The following BMPR1B variants were observed in gnomAD, a reference collection of about 807,000 sequenced individuals.
The protein encoded by BMPR1B is bone morphogenetic protein receptor type 1B.
BMPR1B carries 12 observed loss-of-function variants against 59.1 expected under a neutral mutation model. The observed-to-expected ratio is 0.20, with a 90% CI of 0.13 to 0.33. The LOEUF (loss-of-function observed/expected upper bound fraction) is 0.33, where lower values mean the gene tolerates loss of function less well. Ranked by LOEUF, BMPR1B falls within the 10% of genes least tolerant of loss-of-function variation. The pLI, the probability that BMPR1B is intolerant of heterozygous loss-of-function variation, is 1.00. For missense variants in BMPR1B, 550 were observed against 610.9 expected (o/e 0.90, Z 1.05); for synonymous variants, 237 against 207.3 (o/e 1.14, Z -1.23).
intron 2 of BMPR1B, among the ~76,000 whole-genome samples, chr4:94,942,443 T>C (rs1226612059): frequency 6.6e-6 from 1 of 152,200 alleles, no homozygotes; most frequent in African/African-American, 2.4e-5. Flanking sequence ...AAACAAACTT[T>C]AGAACCTCTG....
intron 3 of BMPR1B, among the ~76,000 whole-genome samples, chr4:95,084,549 T>C (rs2149240287): frequency 6.6e-6 from 1 of 152,258 alleles, no homozygotes; most frequent in East Asian, 1.9e-4. Flanking sequence ...TGTTGTAGTG[T>C]TTTGGAATAT....
chr4:94,829,254 A>G (rs770267869), intron 1 of BMPR1B, among the ~76,000 whole-genome samples: 3 of 150,730 alleles, frequency 2.0e-5, no homozygotes, highest in East Asian at 1.9e-4. Flanking sequence ...TTCTCTCTCA[A>G]TTTATTCCAA....
At position 95,115,692 on chromosome 4, in the gene BMPR1B, C is replaced by G. The variant is rs767805662; in HGVS notation, c.254C>G (p.Pro85Arg). The G allele has an allele frequency of 1.9e-6, 3 of 1,613,042 alleles. No individual in the cohort carries two copies. The highest frequency in any genetic ancestry group is 2.5e-6 in the Non-Finnish European group (3 of 1,179,404). The change falls in exon 6 of 13, where the codon CCC becomes CGC. Residue 85 changes from proline to arginine, a missense_variant. By Grantham distance (103) the Pro-to-Arg change is moderately radical. Transcript: ENST00000515059. ...EGSDFQCRDTPIPHQRRSIEC... is the reference protein window; with the variant it reads ...EGSDFQCRDTRIPHQRRSIEC... ...GTTTGGGTTCGATTATAGGACACTC[C>G]CATTCCTCATCAAAGAAGATCAATT... is the stretch of plus-strand genomic sequence containing the variant.
At chr4:94,911,823 A>G (rs549545492) in intron 2 of BMPR1B, among the ~76,000 whole-genome samples, 1 of 152,248 alleles carries the variant, frequency 6.6e-6, no homozygotes, top group Admixed American at 6.5e-5. Flanking sequence ...GGGCAGTGGT[A>G]TAGGAGTAGG....
At chr4:94,770,180 G>GGTTTTTTTTTTTTTTTTTTTTTTTTTTT (rs771544268) in intron 1 of BMPR1B, among the ~76,000 whole-genome samples, 6 of 106,250 alleles carry the variant, frequency 5.6e-5, no homozygotes, top group Admixed American at 8.3e-5. Context: ...CTTCGTTTCT[G>GGTTTTTTTTTTTTTTTTTTTTTTTTTTT]TGTTTGTTTT....
At chr4:94,811,179 T>C (rs994610111) in intron 1 of BMPR1B, among the ~76,000 whole-genome samples, 7 of 152,230 alleles carry the variant, frequency 4.6e-5, no homozygotes, top group African/African-American at 1.7e-4. Context: ...TTATTTCTCA[T>C]TGACATAAAG....
chr4:95,134,007 C>A (rs12650281), intron 10 of BMPR1B, among the ~76,000 whole-genome samples: 69,888 of 151,886 alleles, frequency 0.46, 17,744 homozygotes, highest in Admixed American at 0.59. Context: ...AGGTGTATCT[C>A]CTAATGCTAT....
At chr4:95,093,052 C>A (rs2149250871) in intron 3 of BMPR1B, among the ~76,000 whole-genome samples, 1 of 152,186 alleles carries the variant, frequency 6.6e-6, no homozygotes, top group South Asian at 2.1e-4. Flanking sequence ...CAATGTGGAG[C>A]TGAATTGACA....
chr4:95,033,403 T>C (rs1044989169), intron 3 of BMPR1B, among the ~76,000 whole-genome samples: 19 of 152,156 alleles, frequency 1.2e-4, no homozygotes, highest in African/African-American at 4.6e-4. Flanking sequence ...TGTTTTCTTC[T>C]AAGAGTTTTA....
chr4:94,917,327 C>T (rs1050200769), intron 2 of BMPR1B, among the ~76,000 whole-genome samples: 2 of 152,212 alleles, frequency 1.3e-5, no homozygotes, highest in African/African-American at 2.4e-5. Context: ...AGCTTGCACC[C>T]TGTGCCTGGA....
intron 3 of BMPR1B, among the ~76,000 whole-genome samples, chr4:95,059,272 G>C (rs896783804): frequency 6.6e-6 from 1 of 152,082 alleles, no homozygotes; most frequent in African/African-American, 2.4e-5. Flanking sequence ...TCACACACTT[G>C]CTTAGACACA....
At chr4:94,834,862 T>C (rs1010901146) in intron 1 of BMPR1B, among the ~76,000 whole-genome samples, 5 of 151,866 alleles carry the variant, frequency 3.3e-5, no homozygotes, top group African/African-American at 4.8e-5. Flanking sequence ...ATAAGTTCTT[T>C]CCTACTTCTT....
At position 95,115,723 on chromosome 4, in the gene BMPR1B, C is replaced by T; in HGVS notation, c.285C>T (p.Cys95=). The T allele has an allele frequency of 6.2e-7, 1 of 1,613,756 alleles. No homozygotes were observed. Among genetic ancestry groups the T allele is most frequent in the Non-Finnish European group, 8.5e-7 (1 of 1,179,798 alleles). The change falls in exon 6 of 13, where the codon TGC becomes TGT. Residue 95 remains cysteine (C), a synonymous_variant. Coordinates refer to ENST00000515059, the MANE Select transcript of BMPR1B (RefSeq NM_001203.3). Reference sequence around the variant, plus strand: ...CTCATCAAAGAAGATCAATTGAATGCTGCACAGAAAGGAACGAATGTAATA... The same window carrying T: ...CTCATCAAAGAAGATCAATTGAATGTTGCACAGAAAGGAACGAATGTAATA... ...PIPHQRRSIE[C]CTERNECNKD... is the part of the protein sequence containing the mutation.
At chr4:94,804,425 T>TA (rs960052951) in intron 1 of BMPR1B, among the ~76,000 whole-genome samples, 4 of 152,066 alleles carry the variant, frequency 2.6e-5, no homozygotes, top group African/African-American at 9.7e-5. Context: ...GTGAAGCTTG[T>TA]AAAAAAATTG....
intron 2 of BMPR1B, among the ~76,000 whole-genome samples, chr4:94,887,183 A>G (rs1288130839): frequency 6.6e-6 from 1 of 151,950 alleles, no homozygotes; most frequent in Non-Finnish European, 1.5e-5. Flanking sequence ...ACTAAAACAA[A>G]TAAACGTATA....
At chr4:94,848,575 A>C (rs958990768) in intron 1 of BMPR1B, among the ~76,000 whole-genome samples, 9 of 152,036 alleles carry the variant, frequency 5.9e-5, no homozygotes, top group African/African-American at 2.2e-4. Context: ...CAAGATCATG[A>C]TTGGTCTCAT....
intron 1 of BMPR1B, among the ~76,000 whole-genome samples, chr4:94,798,259 A>C (rs1560490015): frequency 6.6e-6 from 1 of 152,182 alleles, no homozygotes; most frequent in African/African-American, 2.4e-5. Flanking sequence ...TTGCAGTCCT[A>C]AGGTCCTCAA....
At chr4:94,914,619 A>G (rs909680556) in intron 2 of BMPR1B, among the ~76,000 whole-genome samples, 4 of 152,094 alleles carry the variant, frequency 2.6e-5, no homozygotes, top group African/African-American at 9.7e-5. Flanking sequence ...GAAGTCAAAG[A>G]ATGGTTTTAG....
At chr4:94,981,561 T>C (rs1265894205) in intron 2 of BMPR1B, among the ~76,000 whole-genome samples, 2 of 152,230 alleles carry the variant, frequency 1.3e-5, no homozygotes, top group Non-Finnish European at 2.9e-5. Flanking sequence ...CAGTACTTCA[T>C]TGCTTTTTAT....
Sources: gnomAD v4.1 joint callset for allele counts (sites outside exome capture counted in the v4.1 genomes callset) on GRCh38, gnomAD v4.1.1 for gene constraint, MANE v1.5 for transcripts, NCBI Gene and HGNC (gene_info 2026-07-23, HGNC 2026-07-21) for gene names.